The following CCDC15 variants were observed in gnomAD, a reference collection of about 807,000 sequenced individuals.
The protein encoded by CCDC15 is coiled-coil domain-containing protein 15.
Under a neutral mutation model 114.5 loss-of-function variants are expected in CCDC15, and 105 were observed. The observed-to-expected ratio is 0.92, with a 90% confidence interval of 0.78 to 1.08. The LOEUF is 1.08. CCDC15 is among the 50% of genes least tolerant of loss of function. CCDC15 has a pLI of 0.00. For missense variants in CCDC15, 1,105 were observed against 1,093.6 expected (o/e 1.01, Z -0.15); for synonymous variants, 334 against 377.8 (o/e 0.88, Z 1.34).
intron 2 of CCDC15, among the ~76,000 whole-genome samples, chr11:124,957,201 A>G (rs1046444446): frequency 6.6e-6 from 1 of 152,214 alleles, no homozygotes; most frequent in African/African-American, 2.4e-5. Flanking sequence ...CTGGGACCTC[A>G]GCTGGGGCTC....
chr11:124,996,638 A>G (rs1948375689), intron 11 of CCDC15, among the ~76,000 whole-genome samples: 1 of 151,662 alleles, frequency 6.6e-6, no homozygotes, highest in Non-Finnish European at 1.5e-5. Flanking sequence ...CATCACCACC[A>G]TCCATCTCCA....
rs116066922 is a variant in CCDC15, at chr11:124,984,477, G to A, written c.754-2265G>A. On this transcript the variant is annotated intron_variant, in intron 6 of 15. Coordinates refer to ENST00000344762, the MANE Select transcript of CCDC15 (RefSeq NM_025004.3). Reference sequence around the variant, plus strand: ...AGATCGCCCTGCACTGTTCACGTCCGACAGTTCCCCTGTGGCTAATGTCTC... The same window carrying A: ...AGATCGCCCTGCACTGTTCACGTCCAACAGTTCCCCTGTGGCTAATGTCTC... Among the ~76,000 whole-genome samples, 525 of 152,252 alleles carry A rather than the reference G, an allele frequency of 3.4e-3. 2 individuals carry two copies. Among genetic ancestry groups the A allele is most frequent in the African/African-American group, 0.012 (488 of 41,540 alleles).
intron 13 of CCDC15, among the ~76,000 whole-genome samples, chr11:125,026,288 G>A (rs889966987): frequency 1.3e-5 from 2 of 152,196 alleles, no homozygotes; most frequent in Non-Finnish European, 2.9e-5. Flanking sequence ...TGGTCTAAAT[G>A]CACCTTCTTT....
At chr11:125,008,326 G>A (rs148725435) in intron 13 of CCDC15, among the ~76,000 whole-genome samples, 4 of 152,186 alleles carry the variant, frequency 2.6e-5, no homozygotes, top group East Asian at 1.9e-4. Context: ...AACTCCACCC[G>A]TTCATTGCTG....
chr11:124,987,771 T>G lies in CCDC15; in HGVS notation c.1545T>G (p.His515Gln). 1 of 1,614,038 alleles carries G rather than the reference T, an allele frequency of 6.2e-7. No homozygotes were observed. Residue 515 changes from histidine to glutamine, a missense_variant, in exon 8 of 16, where the codon CAT becomes CAG. Coordinates refer to ENST00000344762, the MANE Select transcript of CCDC15 (RefSeq NM_025004.3). ...AGAATTTTTTGTCTAGAGACCAGCA[T>G]GTTCTCCCCAAAGACCAGAATATTC... ...KDQNFLSRDQ[H>Q]VLPKDQNILP...
intron 13 of CCDC15, among the ~76,000 whole-genome samples, chr11:125,025,775 A>G (rs1211739795): frequency 6.6e-6 from 1 of 152,010 alleles, no homozygotes; most frequent in Admixed American, 6.6e-5. Flanking sequence ...ATTCTATTAT[A>G]TTTTTGATAT....
chr11:124,976,395 T>C (rs1305262352), intron 5 of CCDC15, among the ~76,000 whole-genome samples: 1 of 152,080 alleles, frequency 6.6e-6, no homozygotes, highest in African/African-American at 2.4e-5. Flanking sequence ...CAAGTGGGCG[T>C]GGATATGTGT....
At chr11:124,983,449 G>A (rs373743862) in intron 6 of CCDC15, among the ~76,000 whole-genome samples, 1 of 151,928 alleles carries the variant, frequency 6.6e-6, no homozygotes, top group East Asian at 1.9e-4. Flanking sequence ...CTATCCTTTG[G>A]ATTTTTTTTT....
At chr11:125,024,320 G>A (rs1591612288) in intron 13 of CCDC15, among the ~76,000 whole-genome samples, 1 of 151,996 alleles carries the variant, frequency 6.6e-6, no homozygotes. Context: ...GCATTTTTGT[G>A]TGAATTTAAA....
chr11:124,980,450 G>T (rs1016978851), intron 6 of CCDC15, among the ~76,000 whole-genome samples: 8 of 152,028 alleles, frequency 5.3e-5, no homozygotes, highest in Non-Finnish European at 1.0e-4. Flanking sequence ...TTTTAAGAAC[G>T]TGTTATTGGT....
intron 12 of CCDC15, 83 bp downstream of exon 12, chr11:125,004,042 G>A (rs1565376341): frequency 1.5e-6 from 1 of 669,218 alleles, no homozygotes; most frequent in South Asian, 3.5e-5. Flanking sequence ...AATTTGTTGT[G>A]TCCTAACACA....
intron 6 of CCDC15, among the ~76,000 whole-genome samples, chr11:124,985,509 A>G (rs1948143159): frequency 6.6e-6 from 1 of 152,128 alleles, no homozygotes; most frequent in African/African-American, 2.4e-5. Flanking sequence ...CTCTTCTGTT[A>G]TAGCTATCCT....
intron 6 of CCDC15, among the ~76,000 whole-genome samples, chr11:124,982,391 A>G (rs1276999754): frequency 1.3e-5 from 2 of 152,090 alleles, no homozygotes; most frequent in African/African-American, 4.8e-5. Flanking sequence ...TCACTGGTCT[A>G]TGTACTTAAG....
intron 13 of CCDC15, among the ~76,000 whole-genome samples, chr11:125,024,819 G>A (rs932279291): frequency 1.3e-5 from 2 of 151,610 alleles, no homozygotes; most frequent in South Asian, 2.1e-4. Flanking sequence ...GTACAATGTT[G>A]AATAGAAGTG....
At chr11:125,037,108 T>C (rs1481081632) in intron 13 of CCDC15, among the ~76,000 whole-genome samples, 1 of 152,186 alleles carries the variant, frequency 6.6e-6, no homozygotes, top group Admixed American at 6.5e-5. Flanking sequence ...CCCAACGTTA[T>C]GAGTTTTACC....
intron 4 of CCDC15, among the ~76,000 whole-genome samples, chr11:124,973,309 T>C (rs1040168192): frequency 6.6e-6 from 1 of 152,106 alleles, no homozygotes; most frequent in Non-Finnish European, 1.5e-5. Flanking sequence ...TAATAACACC[T>C]ACCTTAAGTG....
chr11:125,022,665 C>A (rs555950810), intron 13 of CCDC15, among the ~76,000 whole-genome samples: 1 of 151,986 alleles, frequency 6.6e-6, no homozygotes, highest in African/African-American at 2.4e-5. Flanking sequence ...CTATAATTCC[C>A]CTGGAGTCAA....
intron 4 of CCDC15, among the ~76,000 whole-genome samples, chr11:124,971,912 C>T (rs959673871): frequency 5.9e-5 from 9 of 152,042 alleles, no homozygotes; most frequent in Admixed American, 1.3e-4. Context: ...GGATTTATTC[C>T]TCTTTCTCTC....
rs1947627599 is a variant in CCDC15 at position 124,959,874 on chromosome 11, G to A, written c.387G>A (p.Arg129=). 2 of 1,598,854 alleles carry A rather than the reference G, an allele frequency of 1.3e-6. No homozygotes were observed. Among genetic ancestry groups the A allele is most frequent in the Non-Finnish European group, 1.7e-6 (2 of 1,171,682 alleles). The change falls in exon 4 of 16, where the codon AGG becomes AGA. Residue 129 remains arginine, a synonymous_variant. Transcript: ENST00000344762. ...CAGCAACACACTTAACTTCCAAAAG[G>A]ACAAGTGTTTTTCCAAACAATTTGA... ...QSSATHLTSK[R]TSVFPNNLNV... is the part of the protein sequence containing the mutation.
Sources: gnomAD v4.1 joint callset for allele counts (sites outside exome capture counted in the v4.1 genomes callset) on GRCh38, gnomAD v4.1.1 for gene constraint, MANE v1.5 for transcripts, NCBI Gene and HGNC (gene_info 2026-07-23, HGNC 2026-07-21) for gene names.